VIPAS39: variants seen among roughly 807,000 people sequenced by gnomAD.
The protein encoded by VIPAS39 is VPS33B interacting protein, apical-basolateral polarity regulator, spe-39 homolog, also known as spermatogenesis-defective protein 39 homolog.
Under a neutral mutation model 84.7 loss-of-function variants are expected in VIPAS39, and 63 were observed. That is an observed-to-expected ratio of 0.74 (90% CI 0.61 to 0.92). The LOEUF (loss-of-function observed/expected upper bound fraction) is 0.92. Ranked by LOEUF, VIPAS39 falls within the 40% of genes least tolerant of loss-of-function variation. VIPAS39 has a pLI of 0.00. For synonymous variants in VIPAS39, 192 were observed against 216.5 expected, an observed-to-expected ratio of 0.89 and a Z score of 0.99; for missense variants, 499 against 604.5, an observed-to-expected ratio of 0.83 and a Z score of 1.83.
intron 11 of VIPAS39, among the ~76,000 whole-genome samples, chr14:77,438,391 G>A (rs1477406152): frequency 6.6e-6 from 1 of 152,128 alleles, no homozygotes; most frequent in African/African-American, 2.4e-5. Flanking sequence ...ACCATGCCTG[G>A]CTAATTTTTG....
intron 3 of VIPAS39, among the ~76,000 whole-genome samples, chr14:77,453,017 T>G (rs148505227): frequency 2.0e-5 from 3 of 152,102 alleles, no homozygotes; most frequent in African/African-American, 7.2e-5. Context: ...ATCTCTGGGA[T>G]AAAGCCTAGG....
chr14:77,449,359 T>C lies in VIPAS39; in HGVS notation c.383-2A>G. The C allele has an allele frequency of 6.2e-7, 1 of 1,614,190 alleles. No individual in the cohort carries two copies. The highest frequency in any genetic ancestry group is 1.1e-5 in the South Asian group (1 of 91,074). On this transcript the variant is annotated splice_acceptor_variant, in intron 5 of 19. Coordinates refer to ENST00000557658, the MANE Select transcript of VIPAS39 (RefSeq NM_001193315.2). LOFTEE classifies it high-confidence loss of function. ...TTTTGGCAGGTGTGTCTGACAGAGCTGAAAAAGAATAAGCAGCTGGTTCAG... is the reference window on the plus strand; with the variant it reads ...TTTTGGCAGGTGTGTCTGACAGAGCCGAAAAAGAATAAGCAGCTGGTTCAG...
intron 7 of VIPAS39, among the ~76,000 whole-genome samples, chr14:77,444,767 A>G (rs2078760361): frequency 6.6e-6 from 1 of 151,662 alleles, no homozygotes; most frequent in Non-Finnish European, 1.5e-5. Context: ...AATTTTTAGT[A>G]GAGACGGGGT....
chr14:77,436,949 C>G (rs1175372267), intron 12 of VIPAS39, among the ~76,000 whole-genome samples: 11 of 152,280 alleles, frequency 7.2e-5, no homozygotes, highest in Non-Finnish European at 1.3e-4. Flanking sequence ...AAGTTTTAGC[C>G]ATAGTGAATT....
chr14:77,436,069 C>T, intron 12 of VIPAS39, 150 bp from the exon 13 acceptor site: 1 of 787,492 alleles, frequency 1.3e-6, no homozygotes, highest in Non-Finnish European at 2.2e-6. Flanking sequence ...TAAAGAAAGA[C>T]ATCGCATGAA....
intron 1 of VIPAS39, among the ~76,000 whole-genome samples, chr14:77,454,370 A>G (rs927121647): frequency 3.9e-5 from 6 of 152,168 alleles, no homozygotes; most frequent in African/African-American, 1.4e-4. Flanking sequence ...CAGGTGTTGT[A>G]AGGTATATAA....
intron 10 of VIPAS39, among the ~76,000 whole-genome samples, 192 bp downstream of exon 10, chr14:77,442,368 C>A (rs1461075577): frequency 1.3e-5 from 2 of 152,222 alleles, no homozygotes; most frequent in Non-Finnish European, 2.9e-5. Context: ...GACTCCAAAG[C>A]CTGGTTCTTA....
Position 77,429,078 on chromosome 14 carries a change from G to A in VIPAS39, c.1284C>T (p.Val428=), listed in dbSNP as rs764429511. ...NAPVQILQEY[V]NLVEDVDTKL... is the part of the protein sequence containing the mutation. Reference sequence around the variant, plus strand: ...TCGTGTCCACATCTTCCACCAGATTGACATACTCCTGTAATATCTGTGGGA... The same window carrying A: ...TCGTGTCCACATCTTCCACCAGATTAACATACTCCTGTAATATCTGTGGGA... The change falls in exon 18 of 20, where the codon GTC becomes GTT. Residue 428 remains valine, a synonymous_variant. Transcript: ENST00000557658. 13 of 1,613,878 alleles carry A rather than the reference G, an allele frequency of 8.1e-6. No individual in the cohort carries two copies. In the South Asian group the frequency reaches 1.4e-4, roughly 18 times the overall value.
At chr14:77,427,693 A>T in intron 19 of VIPAS39, 57 bp from the exon 20 acceptor site, 1 of 1,609,232 alleles carries the variant, frequency 6.2e-7, no homozygotes, top group South Asian at 1.1e-5. Flanking sequence ...TCCCTACAGC[A>T]AGGCAGAGAA....
intron 7 of VIPAS39, 42 bp from the exon 8 acceptor site, chr14:77,444,383 T>C: frequency 6.4e-7 from 1 of 1,550,832 alleles, no homozygotes; most frequent in Non-Finnish European, 8.9e-7. Context: ...GAAGACAGTT[T>C]TCTTTATTCC....
At chr14:77,442,454 C>A (rs1340463189) in intron 10 of VIPAS39, 106 bp downstream of exon 10, 2 of 935,278 alleles carry the variant, frequency 2.1e-6, no homozygotes, top group African/African-American at 1.6e-5. Context: ...GTCTTCCAAG[C>A]ACTTCCAGGA....
At chr14:77,433,552 T>C (rs1283613484) in intron 16 of VIPAS39, among the ~76,000 whole-genome samples, 1 of 152,148 alleles carries the variant, frequency 6.6e-6, no homozygotes, top group Non-Finnish European at 1.5e-5. Flanking sequence ...TGTCTACAAC[T>C]TACTTTCAAA....
chr14:77,453,938 C>A (rs1389111744), intron 2 of VIPAS39, 72 bp downstream of exon 2: 1 of 1,451,776 alleles, frequency 6.9e-7, no homozygotes, highest in Non-Finnish European at 9.7e-7. Context: ...AGCCTAGTTA[C>A]CCAGAATGCA....
chr14:77,452,451 A>AT (rs1300828175), intron 3 of VIPAS39, among the ~76,000 whole-genome samples: 3 of 151,808 alleles, frequency 2.0e-5, no homozygotes, highest in South Asian at 2.1e-4. Context: ...AGTATGGCCT[A>AT]TTTTTTAAAA....
intron 16 of VIPAS39, among the ~76,000 whole-genome samples, chr14:77,430,123 G>A (rs2078497868): frequency 6.6e-6 from 1 of 152,150 alleles, no homozygotes; most frequent in Non-Finnish European, 1.5e-5. Flanking sequence ...GCAAATTCAT[G>A]AGGGAAGGTC....
rs759878458 is a variant in VIPAS39 at position 77,437,796 on chromosome 14, C to T, written c.836+12G>A. 6.2e-7 allele frequency: 1 copy of T among 1,612,922 alleles called. No individual in the cohort carries two copies. The highest frequency in any genetic ancestry group is 1.1e-5 in the South Asian group (1 of 91,048). On this transcript the variant is annotated intron_variant, in intron 12 of 19. Transcript: ENST00000557658. ...GTATTTATACTTAAAATCATTTTTC[C>T]CCCATACTTACCCAACACAGGTTTT...
chr14:77,438,096 C>A (rs1288721065), intron 11 of VIPAS39, among the ~76,000 whole-genome samples: 1 of 152,130 alleles, frequency 6.6e-6, no homozygotes, highest in Non-Finnish European at 1.5e-5. Context: ...CCACTAGCTA[C>A]AACTGTTTCT....
intron 1 of VIPAS39, chr14:77,457,193 T>G (rs1437609955): frequency 1.3e-6 from 2 of 1,498,160 alleles, no homozygotes; most frequent in African/African-American, 1.4e-5. Flanking sequence ...CTAGGATGAC[T>G]CTACGGGTGA....
intron 17 of VIPAS39, 149 bp from the exon 18 acceptor site, chr14:77,429,244 A>C (rs909407938): frequency 2.2e-5 from 16 of 715,114 alleles, no homozygotes; most frequent in Non-Finnish European, 3.0e-5. Context: ...TAGTTCTGCA[A>C]TGGGAATGAG....
Sources: gnomAD v4.1 joint callset for allele counts (sites outside exome capture counted in the v4.1 genomes callset) on GRCh38, gnomAD v4.1.1 for gene constraint, MANE v1.5 for transcripts, NCBI Gene and HGNC (gene_info 2026-07-23, HGNC 2026-07-21) for gene names.